The following IL4I1 variants were observed in gnomAD, a reference collection of about 807,000 sequenced individuals.
The protein encoded by IL4I1 is interleukin 4 induced 1.
Under a neutral mutation model 29.7 loss-of-function variants are expected in IL4I1, and 24 were observed. The ratio of observed to expected loss-of-function variants is 0.81; its 90% CI spans 0.59 to 1.14. The LOEUF is 1.14. Among genes scored for constraint, IL4I1 ranks in the 50% most tolerant of loss-of-function variants. The pLI is 0.00. For synonymous variants in IL4I1, 371 were observed against 352.5 expected (o/e 1.05, Z -0.59); for missense variants, 686 against 785.6 (o/e 0.87, Z 1.52).
At chr19:49,891,776 G>T (rs2075143196) in intron 5 of IL4I1, among the ~76,000 whole-genome samples, 1 of 152,210 alleles carries the variant, frequency 6.6e-6, no homozygotes, top group Non-Finnish European at 1.5e-5. Context: ...CAGCCAGCCA[G>T]CCAGACTGTG....
chr19:49,912,153 C>T (rs2075480313), intron 2 of IL4I1, among the ~76,000 whole-genome samples: 1 of 148,376 alleles, frequency 6.7e-6, no homozygotes, highest in Admixed American at 6.8e-5. Context: ...ACTTGTCTGG[C>T]TTAACAGTTC....
rs2075110620 is a variant in IL4I1 at position 49,890,102 on chromosome 19, C to T, written c.1272G>A (p.Ala424=). The change falls in exon 8 of 8, where the codon GCG becomes GCA. Residue 424 remains alanine (A), a synonymous_variant. Coordinates refer to ENST00000391826, the MANE Select transcript of IL4I1 (RefSeq NM_152899.2). ...EALRLALDDV[A]ALHGPVVRQL... ...GGCGCACGACAGGCCCGTGCAATGC[C>T]GCCACGTCGTCGAGCGCCAAGCGCA... 3 of 1,544,702 alleles carry T rather than the reference C, an allele frequency of 1.9e-6. No homozygotes were observed. The highest frequency in any genetic ancestry group is 2.7e-5 in the African/African-American group (2 of 73,006).
chr19:49,891,595 C>G (rs894710912), intron 5 of IL4I1, 122 bp from the exon 6 acceptor site: 6 of 824,482 alleles, frequency 7.3e-6, no homozygotes, highest in South Asian at 4.3e-5. Context: ...TCACCACTCT[C>G]AAGCCCCTGG....
chr19:49,894,167 G>T, intron 5 of IL4I1, 101 bp downstream of exon 5: 1 of 1,144,084 alleles, frequency 8.7e-7, no homozygotes, highest in Non-Finnish European at 1.3e-6. Context: ...ACCCCATGGA[G>T]GGGACTGAAG....
upstream of IL4I1, among the ~76,000 whole-genome samples, chr19:49,899,196 G>C (rs1192270684): frequency 1.3e-5 from 2 of 152,240 alleles, no homozygotes; most frequent in Admixed American, 6.5e-5. Flanking sequence ...CATAACAGTG[G>C]AAACAACCAT....
At chr19:49,902,265 T>G (rs2075277832) in intron 3 of IL4I1, among the ~76,000 whole-genome samples, 1 of 152,168 alleles carries the variant, frequency 6.6e-6, no homozygotes, top group African/African-American at 2.4e-5. Context: ...CCTCCCAAAG[T>G]GCTGGGATTA....
intron 2 of IL4I1, among the ~76,000 whole-genome samples, chr19:49,926,018 G>A (rs2075877708): frequency 1.3e-5 from 2 of 152,050 alleles, no homozygotes; most frequent in Non-Finnish European, 2.9e-5. Flanking sequence ...AGACCAGCCT[G>A]ACCAACATGG....
At chr19:49,926,852 G>C (rs1292934523) in intron 2 of IL4I1, among the ~76,000 whole-genome samples, 2 of 125,312 alleles carry the variant, frequency 1.6e-5, no homozygotes, top group Admixed American at 9.9e-5. Context: ...TAAGAAGTAG[G>C]TACTTTTTTT....
chr19:49,901,616 G>C, upstream of IL4I1: 1 of 1,470,796 alleles, frequency 6.8e-7, no homozygotes, highest in Non-Finnish European at 9.1e-7. Flanking sequence ...GAACATCCCA[G>C]GGCCCCGGGT....
At chr19:49,911,670 G>A (rs536767444) in intron 2 of IL4I1, among the ~76,000 whole-genome samples, 1 of 152,262 alleles carries the variant, frequency 6.6e-6, no homozygotes, top group East Asian at 1.9e-4. Context: ...AGCTGCACAC[G>A]CTCTGCCTTG....
intron 2 of IL4I1, chr19:49,909,832 C>T (rs913252966): frequency 1.9e-6 from 3 of 1,612,054 alleles, no homozygotes; most frequent in East Asian, 2.2e-5. Flanking sequence ...GTGGCGGCAG[C>T]TACTCTGGCT....
chr19:49,907,131 C>G (rs548552246), intron 2 of IL4I1: 2 of 161,584 alleles, frequency 1.2e-5, no homozygotes, highest in African/African-American at 4.8e-5. Context: ...CGGGGAACGA[C>G]AGTGGGTCTC....
chr19:49,896,183 C>A lies in IL4I1; in HGVS notation c.-22-1G>T. 6.7e-7 allele frequency: 1 copy of A among 1,495,326 alleles called. No individual in the cohort carries two copies. Among genetic ancestry groups the A allele is most frequent in the Non-Finnish European group, 8.9e-7 (1 of 1,120,578 alleles). 92.6% of individuals were successfully genotyped at this position (1,495,326 alleles called of 1,614,324 possible). Reference sequence around the variant, plus strand: ...CATGACTCTCGGTGGGAGATGGTGTCTGGGGTGGAGGAGAAGGGAGGGCTG... The same window carrying A: ...CATGACTCTCGGTGGGAGATGGTGTATGGGGTGGAGGAGAAGGGAGGGCTG... On this transcript the variant is annotated splice_acceptor_variant, in intron 1 of 7. Transcript: ENST00000391826. LOFTEE classifies it low-confidence loss of function (5UTR_SPLICE).
intron 2 of IL4I1, among the ~76,000 whole-genome samples, chr19:49,926,982 C>T (rs1233874683): frequency 2.6e-5 from 4 of 151,952 alleles, no homozygotes; most frequent in Admixed American, 6.6e-5. Context: ...GCCTTAGCCT[C>T]ATGAGTAGCT....
chr19:49,905,509 C>A (rs1243098055), intron 2 of IL4I1, among the ~76,000 whole-genome samples: 2 of 152,194 alleles, frequency 1.3e-5, no homozygotes, highest in African/African-American at 4.8e-5. Context: ...GTGGGGTCTT[C>A]CTCTGGTTTA....
chr19:49,901,993 G>T, intron 3 of IL4I1: 1 of 236,428 alleles, frequency 4.2e-6, no homozygotes, highest in East Asian at 8.2e-5. Context: ...CAAGTCCCAG[G>T]CACCATATTG....
chr19:49,897,076 A>C (rs1183550312), upstream of IL4I1: 1 of 169,098 alleles, frequency 5.9e-6, no homozygotes, highest in Non-Finnish European at 1.2e-5. Context: ...CTTTTGCCCC[A>C]GATAGTTCTG....
At chr19:49,894,606 G>T (rs771576937) in intron 4 of IL4I1, 137 bp from the exon 5 acceptor site, 179 of 655,004 alleles carry the variant, frequency 2.7e-4, no homozygotes, top group Non-Finnish European at 4.3e-4. Context: ...TAGATTTGGG[G>T]TAATCAATGC....
rs1034437189 is a variant in IL4I1, at chr19:49,919,819, A to G, written c.-228+7875T>C. Among the ~76,000 whole-genome samples, 5 of 145,942 alleles carry G rather than the reference A, an allele frequency of 3.4e-5. No individual in the cohort carries two copies. In the East Asian group the frequency reaches 1.0e-3, roughly 30 times the overall value. On this transcript the variant is annotated intron_variant, in intron 2 of 9. Coordinates refer to the IL4I1 transcript ENST00000341114. ...TTGCTCTTAATATAAAAGGACTGGA[A>G]GAGATTTGAGGAATACTCTGGTGCC...
Sources: allele counts gnomAD v4.1 joint callset (sites outside exome capture counted in the v4.1 genomes callset), GRCh38; gene constraint gnomAD v4.1.1; transcripts MANE v1.5; gene names NCBI Gene and HGNC (gene_info 2026-07-23, HGNC 2026-07-21).